INPP4B: variants seen among roughly 807,000 people sequenced by gnomAD.
INPP4B encodes the protein inositol polyphosphate 4-phosphatase type II.
Under a neutral mutation model 122.5 loss-of-function variants are expected in INPP4B, and 55 were observed. That is an observed-to-expected ratio of 0.45 (90% CI 0.36 to 0.56). The LOEUF (loss-of-function observed/expected upper bound fraction) is 0.56. Among genes scored for constraint, INPP4B ranks in the 20% least tolerant of loss-of-function variants. The pLI, the probability that INPP4B is intolerant of heterozygous loss-of-function variation, is 0.00. For missense variants in INPP4B, 1,000 were observed against 1,097.7 expected (o/e 0.91, Z 1.26); for synonymous variants, 403 against 388.7 (o/e 1.04, Z -0.43).
At chr4:142,415,672 T>C (rs1805569877) in intron 5 of INPP4B, among the ~76,000 whole-genome samples, 1 of 152,188 alleles carries the variant, frequency 6.6e-6, no homozygotes, top group African/African-American at 2.4e-5. Context: ...CAAAGGATTA[T>C]AAATCATGCT....
intron 2 of INPP4B, among the ~76,000 whole-genome samples, chr4:142,476,766 T>G (rs538072117): frequency 2.0e-4 from 30 of 152,286 alleles, no homozygotes; most frequent in African/African-American, 7.0e-4. Context: ...AACTATCCAA[T>G]GTATACACAC....
chr4:142,060,234 A>G (rs1759884645), intron 25 of INPP4B, among the ~76,000 whole-genome samples: 1 of 152,168 alleles, frequency 6.6e-6, no homozygotes, highest in African/African-American at 2.4e-5. Flanking sequence ...ATTGGGTATA[A>G]GTATATCCTA....
intron 18 of INPP4B, among the ~76,000 whole-genome samples, chr4:142,140,476 T>C (rs1807198519): frequency 6.6e-6 from 1 of 152,176 alleles, no homozygotes; most frequent in Non-Finnish European, 1.5e-5. Context: ...TTCCTTTTAG[T>C]GATGTGCCTT....
At chr4:142,345,931 C>G (rs1481773083) in intron 7 of INPP4B, among the ~76,000 whole-genome samples, 19 of 151,942 alleles carry the variant, frequency 1.3e-4, no homozygotes, top group Admixed American at 1.2e-3. Context: ...TTCTCTTTTT[C>G]ATTAATTGTG....
At chr4:142,151,950 T>A (rs1257801343) in intron 17 of INPP4B, among the ~76,000 whole-genome samples, 2 of 152,118 alleles carry the variant, frequency 1.3e-5, no homozygotes, top group African/African-American at 4.8e-5. Context: ...TTGACTTTTA[T>A]ACCTAGAATA....
intron 11 of INPP4B, among the ~76,000 whole-genome samples, chr4:142,254,038 T>A (rs531218482): frequency 1.3e-5 from 2 of 149,274 alleles, no homozygotes; most frequent in Non-Finnish European, 3.0e-5. Context: ...CTCTAGTGGG[T>A]CCCTGACCCC....
chr4:142,599,640 C>T (rs1337292802), intron 2 of INPP4B, among the ~76,000 whole-genome samples: 1 of 151,976 alleles, frequency 6.6e-6, no homozygotes, highest in Non-Finnish European at 1.5e-5. Context: ...AAAATAATAA[C>T]ACCTCCAAAG....
intron 1 of INPP4B, among the ~76,000 whole-genome samples, chr4:142,814,603 T>C (rs1247008600): frequency 1.3e-5 from 2 of 152,134 alleles, no homozygotes; most frequent in Non-Finnish European, 2.9e-5. Context: ...TTCATTCATT[T>C]TGGCTGACCT....
At chr4:142,715,515 A>G (rs1411623988) in intron 2 of INPP4B, among the ~76,000 whole-genome samples, 1 of 152,236 alleles carries the variant, frequency 6.6e-6, no homozygotes, top group African/African-American at 2.4e-5. Context: ...ATTTTCATCC[A>G]AGAATAGCAT....
At chr4:142,244,287 C>CTTTT (rs56945961) in intron 11 of INPP4B, among the ~76,000 whole-genome samples, 7 of 73,750 alleles carry the variant, frequency 9.5e-5, no homozygotes, top group African/African-American at 1.7e-4. Flanking sequence ...GTATATGTGC[C>CTTTT]TTTTTTTTTT....
At chr4:142,129,248 A>T (rs991454860) in intron 18 of INPP4B, among the ~76,000 whole-genome samples, 3 of 152,126 alleles carry the variant, frequency 2.0e-5, no homozygotes, top group African/African-American at 7.2e-5. Flanking sequence ...GTTTTCATCT[A>T]TGCCTGAACC....
chr4:142,102,450 T>C (rs1359093512), intron 23 of INPP4B, among the ~76,000 whole-genome samples: 1 of 146,190 alleles, frequency 6.8e-6, no homozygotes, highest in Non-Finnish European at 1.5e-5. Context: ...AAGGTGGATG[T>C]GAACAAAGTC....
chr4:142,043,322 A>G (rs1749320220), intron 25 of INPP4B, among the ~76,000 whole-genome samples: 1 of 152,254 alleles, frequency 6.6e-6, no homozygotes, highest in African/African-American at 2.4e-5. Context: ...GCTTAAAACA[A>G]CAGCAGTTAC....
At chr4:142,598,935 G>A (rs184664227) in intron 2 of INPP4B, among the ~76,000 whole-genome samples, 6 of 152,298 alleles carry the variant, frequency 3.9e-5, no homozygotes, top group African/African-American at 1.4e-4. Context: ...CACCCTTGCT[G>A]GTTGCATGGC....
At chr4:142,794,941 T>C (rs1239225314) in intron 1 of INPP4B, among the ~76,000 whole-genome samples, 1 of 130,898 alleles carries the variant, frequency 7.6e-6, no homozygotes, top group Non-Finnish European at 1.7e-5. Flanking sequence ...ATGTTATATA[T>C]ATGTGTGTGT....
intron 2 of INPP4B, among the ~76,000 whole-genome samples, chr4:142,662,026 G>A (rs889201283): frequency 1.3e-5 from 2 of 152,136 alleles, no homozygotes; most frequent in Non-Finnish European, 2.9e-5. Flanking sequence ...GAGGTCAGGA[G>A]ATGGAGACCA....
chr4:142,146,452 A>G (rs336399), intron 17 of INPP4B, among the ~76,000 whole-genome samples: 3 of 151,956 alleles, frequency 2.0e-5, no homozygotes, highest in African/African-American at 7.2e-5. Context: ...GTATATTCAC[A>G]TTGTCATACA....
At chr4:142,789,365 GATAAATTA>G (rs1339290349) in intron 1 of INPP4B, among the ~76,000 whole-genome samples, 1 of 152,112 alleles carries the variant, frequency 6.6e-6, no homozygotes, top group Non-Finnish European at 1.5e-5. Context: ...TCCTAGAACT[GATAAATTA>G]ATGCAGCAAA....
intron 9 of INPP4B, among the ~76,000 whole-genome samples, chr4:142,286,063 A>G (rs1003654936): frequency 1.7e-4 from 26 of 152,214 alleles, no homozygotes; most frequent in Non-Finnish European, 1.6e-4. Flanking sequence ...AGATTCCTAC[A>G]GGACTTTTTT....
Sources: allele counts gnomAD v4.1 joint callset (sites outside exome capture counted in the v4.1 genomes callset), GRCh38; gene constraint gnomAD v4.1.1; transcripts MANE v1.5; gene names NCBI Gene and HGNC (gene_info 2026-07-23, HGNC 2026-07-21).